ITPR1: variants seen among roughly 807,000 people sequenced by gnomAD.
ITPR1 encodes the protein inositol 1,4,5-trisphosphate-gated calcium channel ITPR1.
Under a neutral mutation model 318.4 loss-of-function variants are expected in ITPR1, and 96 were observed. That is an observed-to-expected ratio of 0.30 (90% CI 0.26 to 0.36). The LOEUF is 0.36. Ranked by LOEUF, ITPR1 falls within the 10% of genes least tolerant of loss-of-function variation. ITPR1 has a pLI of 1.00. For synonymous variants in ITPR1, 1,312 were observed against 1,289.9 expected (o/e 1.02, Z -0.37); for missense variants, 2,440 against 3,460.2 (o/e 0.71, Z 7.40).
chr3:4,547,905 C>G (rs906175659), intron 4 of ITPR1, among the ~76,000 whole-genome samples: 1 of 151,956 alleles, frequency 6.6e-6, no homozygotes, highest in African/African-American at 2.4e-5. Flanking sequence ...TTTTTTTTCA[C>G]TCTGTTAAAT....
At position 4,706,025 on chromosome 3, in the gene ITPR1, TCA is replaced by T. The variant is rs1359026017; in HGVS notation, c.4658-141_4658-140del. 1.5e-5 allele frequency: 11 copies of T among 719,670 alleles called. No individual in the cohort carries two copies. The Admixed American group carries it at 1.7e-4, about 11-fold the overall frequency. The allele number at this position is 719,670 out of a possible 1,614,324, so 44.6% of individuals were successfully genotyped here. A position where few individuals can be genotyped will look rare whatever the true frequency, so the allele number is the denominator to read the frequency against. ...AGATGGTAAAGTTGACTTGAGCTTCTCAGTCTTTAAGCTCAATACCAGGCAAG... is the reference window on the plus strand; with the variant it reads ...AGATGGTAAAGTTGACTTGAGCTTCTGTCTTTAAGCTCAATACCAGGCAAG... On this transcript the variant is annotated intron_variant, in intron 36 of 61. Coordinates refer to ENST00000649015, the MANE Select transcript of ITPR1 (RefSeq NM_001378452.1).
At chr3:4,744,988 T>G (rs2043987786) in intron 44 of ITPR1, among the ~76,000 whole-genome samples, 1 of 145,720 alleles carries the variant, frequency 6.9e-6, no homozygotes, top group Non-Finnish European at 1.5e-5. Flanking sequence ...CCTCTTTCCC[T>G]CCTTCTCTCC....
At chr3:4,759,535 A>G (rs1356330770) in intron 44 of ITPR1, among the ~76,000 whole-genome samples, 1 of 152,144 alleles carries the variant, frequency 6.6e-6, no homozygotes, top group African/African-American at 2.4e-5. Context: ...TCTGGGCTTC[A>G]GTTTCCTCAT....
At chr3:4,743,009 G>T (rs575809232) in intron 44 of ITPR1, among the ~76,000 whole-genome samples, 6 of 152,216 alleles carry the variant, frequency 3.9e-5, no homozygotes, top group African/African-American at 1.4e-4. Context: ...GGTTATTTAG[G>T]TTGGTGCAAA....
chr3:4,543,390 T>A (rs1037892720), intron 4 of ITPR1, among the ~76,000 whole-genome samples: 4 of 152,156 alleles, frequency 2.6e-5, no homozygotes, highest in African/African-American at 4.8e-5. Context: ...TGTGTTAACA[T>A]GGAAGCTCCC....
At chr3:4,528,893 C>G (rs2083194712) in intron 4 of ITPR1, among the ~76,000 whole-genome samples, 1 of 152,198 alleles carries the variant, frequency 6.6e-6, no homozygotes, top group South Asian at 2.1e-4. Context: ...TTATCTCAAT[C>G]TTGGACCAAC....
chr3:4,821,461 A>G lies in ITPR1; in HGVS notation c.8028+3219A>G, dbSNP rs2049711650. On this transcript the variant is annotated intron_variant, in intron 60 of 61. Transcript: ENST00000649015. ...CTCCTTGCAGACAGCAGCATCAGGG[A>G]TGGCAAATGGGTTTTCATCTCACCC... Among the ~76,000 whole-genome samples the G allele has an allele frequency of 2.0e-5, 3 of 152,342 alleles. No homozygotes were observed. In the South Asian group the frequency reaches 6.2e-4, roughly 32 times the overall value.
At chr3:4,794,930 C>A (rs946692044) in intron 52 of ITPR1, 135 bp from the exon 53 acceptor site, 19 of 961,136 alleles carry the variant, frequency 2.0e-5, no homozygotes, top group Non-Finnish European at 2.7e-5. Context: ...AACAAATGAT[C>A]ATTTTTACTC....
chr3:4,619,810 GCCCTC>G (rs1281597329), intron 4 of ITPR1, among the ~76,000 whole-genome samples: 1 of 96,116 alleles, frequency 1.0e-5, no homozygotes, highest in Non-Finnish European at 2.1e-5. Flanking sequence ...GCTCTCCTCT[GCCCTC>G]CCCTCCCCTC....
intron 30 of ITPR1, among the ~76,000 whole-genome samples, chr3:4,687,499 T>A (rs954445034): frequency 1.3e-5 from 2 of 152,104 alleles, no homozygotes; most frequent in Non-Finnish European, 2.9e-5. Context: ...GCAGTCAGGT[T>A]TGGTGACCTG....
intron 60 of ITPR1, among the ~76,000 whole-genome samples, chr3:4,831,826 G>C (rs1316480440): frequency 6.6e-6 from 1 of 152,220 alleles, no homozygotes; most frequent in African/African-American, 2.4e-5. Flanking sequence ...TAGCTAGAGA[G>C]AAAGTAATTG....
chr3:4,609,001 TAAAAA>T (rs56738231), intron 4 of ITPR1, among the ~76,000 whole-genome samples: 1 of 53,426 alleles, frequency 1.9e-5, no homozygotes, highest in African/African-American at 6.0e-5. Context: ...ACTCCGTCTT[TAAAAA>T]AAAAAAAAAA....
chr3:4,613,107 T>G (rs1450056841), intron 4 of ITPR1, among the ~76,000 whole-genome samples: 3 of 152,156 alleles, frequency 2.0e-5, no homozygotes, highest in African/African-American at 7.2e-5. Context: ...ACATGAGACA[T>G]TAATCAATAT....
chr3:4,739,850 G>A (rs575071546), intron 44 of ITPR1, among the ~76,000 whole-genome samples: 1 of 152,158 alleles, frequency 6.6e-6, no homozygotes, highest in Non-Finnish European at 1.5e-5. Flanking sequence ...TCATATGACT[G>A]TGGCCATTGG....
chr3:4,592,103 C>T (rs564679838), intron 4 of ITPR1, among the ~76,000 whole-genome samples: 4 of 152,282 alleles, frequency 2.6e-5, no homozygotes, highest in South Asian at 2.1e-4. Flanking sequence ...CACACAATAA[C>T]GTCTTTGTAA....
At chr3:4,820,856 C>G (rs986676437) in intron 60 of ITPR1, among the ~76,000 whole-genome samples, 3 of 152,224 alleles carry the variant, frequency 2.0e-5, no homozygotes, top group African/African-American at 7.2e-5. Context: ...TTAGCCCCAT[C>G]AGGGTAGCGG....
intron 26 of ITPR1, among the ~76,000 whole-genome samples, chr3:4,682,918 G>A (rs1265607892): frequency 2.6e-5 from 4 of 152,176 alleles, no homozygotes; most frequent in African/African-American, 9.7e-5. Context: ...GTCAGGCATG[G>A]TAGTGCATTC....
chr3:4,736,377 C>A (rs1226128529), intron 44 of ITPR1, among the ~76,000 whole-genome samples: 1 of 152,212 alleles, frequency 6.6e-6, no homozygotes, highest in East Asian at 1.9e-4. Context: ...GTCAGTGTGC[C>A]CCCGGCCAGG....
chr3:4,830,349 A>G (rs1027255777), intron 60 of ITPR1, among the ~76,000 whole-genome samples: 1 of 152,020 alleles, frequency 6.6e-6, no homozygotes, highest in Admixed American at 6.5e-5. Context: ...CAAAACCAAC[A>G]GATTCTGTGT....
Sources: gnomAD v4.1 joint callset for allele counts (sites outside exome capture counted in the v4.1 genomes callset) on GRCh38, gnomAD v4.1.1 for gene constraint, MANE v1.5 for transcripts, NCBI Gene and HGNC (gene_info 2026-07-23, HGNC 2026-07-21) for gene names.